The following NECTIN4 variants were observed in gnomAD, a reference collection of about 807,000 sequenced individuals.
The protein encoded by NECTIN4 is nectin-4.
NECTIN4 carries 19 observed loss-of-function variants against 51.7 expected under a neutral mutation model. That is an observed-to-expected ratio of 0.37 (90% confidence interval 0.26 to 0.54). The LOEUF (loss-of-function observed/expected upper bound fraction) is 0.54. Ranked by LOEUF, NECTIN4 falls within the 20% of genes least tolerant of loss-of-function variation. The pLI, the probability that NECTIN4 is intolerant of heterozygous loss-of-function variation, is 0.86. For missense variants in NECTIN4, 619 were observed against 662.4 expected (o/e 0.93, Z 0.72); for synonymous variants, 283 against 286.9 (o/e 0.99, Z 0.14).
Position 161,074,672 on chromosome 1 carries a change from G to A in NECTIN4, c.939C>T (p.Tyr313=), listed in dbSNP as rs921330375. 4.3e-6 allele frequency: 7 copies of A among 1,614,216 alleles called. No homozygotes were observed. The highest frequency in any genetic ancestry group is 5.1e-6 in the Non-Finnish European group (6 of 1,180,010). Residue 313 remains tyrosine (Y), a synonymous_variant, in exon 5 of 9, where the codon TAC becomes TAT. Coordinates refer to ENST00000368012, the MANE Select transcript of NECTIN4 (RefSeq NM_030916.3). ...AGAACTCATTGCTGACATGGCAGAC[G>A]TAGATGCCGCTGTGCTCAGTGGTCA... The part of the protein sequence containing the change: ...PPLTTEHSGI[Y]VCHVSNEFSS...
At chr1:161,081,808 A>T (rs546443610) in intron 1 of NECTIN4, among the ~76,000 whole-genome samples, 5 of 52,508 alleles carry the variant, frequency 9.5e-5, no homozygotes, top group Non-Finnish European at 1.9e-4. Flanking sequence ...CCCTCCTCCC[A>T]CCCCCACCCC....
intron 1 of NECTIN4, among the ~76,000 whole-genome samples, chr1:161,086,274 G>A (rs1020185009): frequency 1.3e-5 from 2 of 152,096 alleles, no homozygotes; most frequent in African/African-American, 4.8e-5. Flanking sequence ...GGCTCTCCTT[G>A]GCCCGGCCTC....
rs1198225366 is a variant in NECTIN4, at chr1:161,076,400, T to C, written c.806A>G (p.Lys269Arg). The C allele has an allele frequency of 1.2e-6, 2 of 1,614,080 alleles. No individual in the cohort carries two copies. The highest frequency in any genetic ancestry group is 2.7e-5 in the African/African-American group (2 of 74,940). Reference sequence around the variant, plus strand: ...AGGGGGCTGCCCTTCACTCAGGCACTTGAGCATAGCTCCTTCTCTGCCAAT... The same window carrying C: ...AGGGGGCTGCCCTTCACTCAGGCACCTGAGCATAGCTCCTTCTCTGCCAAT... ...WHIGREGAMLKCLSEGQPPPS... is the reference protein window; with the variant it reads ...WHIGREGAMLRCLSEGQPPPS... Residue 269 changes from lysine to arginine, a missense_variant, in exon 4 of 9, where the codon AAG becomes AGG. Lys to Arg is a conservative substitution (Grantham distance 26, BLOSUM62 2). Coordinates refer to ENST00000368012, the MANE Select transcript of NECTIN4 (RefSeq NM_030916.3).
At chr1:161,074,530 A>G (rs1337800016) in intron 5 of NECTIN4, 81 bp downstream of exon 5, 5 of 1,588,522 alleles carry the variant, frequency 3.1e-6, no homozygotes, top group Non-Finnish European at 4.3e-6. Flanking sequence ...TTCCCAATTC[A>G]CTGTCTCTGT....
chr1:161,080,199 C>G (rs1470774272), intron 1 of NECTIN4, among the ~76,000 whole-genome samples: 2 of 152,128 alleles, frequency 1.3e-5, no homozygotes, highest in African/African-American at 4.8e-5. Context: ...GCCACACAGA[C>G]GATTTATGGA....
chr1:161,075,998 C>A (rs550802987), intron 4 of NECTIN4, among the ~76,000 whole-genome samples: 205 of 152,248 alleles, frequency 1.3e-3, no homozygotes, highest in African/African-American at 4.4e-3. Context: ...ACTGCTTGAA[C>A]CCAGGAGGCG....
At position 161,074,987 on chromosome 1, in the gene NECTIN4, G is replaced by A. The variant is rs376055158; in HGVS notation, c.852-228C>T. The stretch of plus-strand genomic sequence containing the variant: ...ACACACACCCGGGGAAGATCCACAC[G>A]TGTGCCATCCCACATGCTTCCACAG... On this transcript the variant is annotated intron_variant, in intron 4 of 8. Coordinates refer to ENST00000368012, the MANE Select transcript of NECTIN4 (RefSeq NM_030916.3). Among the ~76,000 whole-genome samples the A allele has an allele frequency of 1.9e-4, 29 of 152,332 alleles. No homozygotes were observed. The South Asian group carries it at 5.6e-3, about 29-fold the overall frequency.
At position 161,073,257 on chromosome 1, in the gene NECTIN4, T is replaced by C. The variant is rs770288079; in HGVS notation, c.1276A>G (p.Ser426Gly). ...GAGCAGCTACTGTTGTCCTTGAGAC[T>C]ATCAGGGTGGCCCTCGGCTCTCAGC... ...VGLRAEGHPD[S>G]LKDNSSCSVM... The change falls in exon 8 of 9, where the codon AGT becomes GGT. Residue 426 changes from serine (S) to glycine (G), a missense_variant. Physicochemically the swap from Ser to Gly is moderately conservative, Grantham distance 56. Around this residue, in one of 3 missense-constraint regions of NECTIN4, gnomAD observed 364 missense variants for 415.7 expected, o/e 0.88. Coordinates refer to ENST00000368012, the MANE Select transcript of NECTIN4 (RefSeq NM_030916.3). 6.2e-7 allele frequency: 1 copy of C among 1,614,060 alleles called. No individual in the cohort carries two copies. Among genetic ancestry groups the C allele is most frequent in the South Asian group, 1.1e-5 (1 of 91,078 alleles).
rs1385760812 is a variant in NECTIN4 at position 161,077,576 on chromosome 1, C to T, written c.607G>A (p.Ala203Thr). 6.2e-7 allele frequency: 1 copy of T among 1,614,006 alleles called. No homozygotes were observed. The change falls in exon 3 of 9, where the codon GCC (alanine) becomes ACC (threonine). Residue 203 changes from alanine to threonine, a missense_variant. Around this residue, in one of 3 missense-constraint regions of NECTIN4, gnomAD observed 364 missense variants for 415.7 expected, o/e 0.88. Coordinates refer to ENST00000368012, the MANE Select transcript of NECTIN4 (RefSeq NM_030916.3). Reference protein sequence around the residue: ...SRSFKHSRSAAVTSEFHLVPS... With the variant: ...SRSFKHSRSATVTSEFHLVPS... ...ACCAAGTGGAACTCTGAGGTGACGG[C>T]AGCAGAGCGGGAGTGCTTGAAGGAA...
In NECTIN4 at chr1:161,073,281, G is replaced by C. The variant is rs752448692; in HGVS notation, c.1252C>G (p.Leu418Val). The change falls in exon 8 of 9, where the codon CTG becomes GTG. Residue 418 changes from leucine to valine, a missense_variant. By Grantham distance (32) the Leu-to-Val change is conservative (BLOSUM62 1). This residue lies in a region of NECTIN4 where 364 missense variants were observed against 415.7 expected (regional missense o/e 0.88). Transcript: ENST00000368012. ...CTATCAGGGTGGCCCTCGGCTCTCAGCCCTACACTCTCCTCCGGCTGCAGG... is the reference window on the plus strand; with the variant it reads ...CTATCAGGGTGGCCCTCGGCTCTCACCCCTACACTCTCCTCCGGCTGCAGG... ...PRSQPEESVG[L>V]RAEGHPDSLK... 4 of 1,614,082 alleles carry C rather than the reference G, an allele frequency of 2.5e-6. No homozygotes were observed. The South Asian group carries it at 4.4e-5, about 18-fold the overall frequency.
chr1:161,075,545 C>T (rs906990446), intron 4 of NECTIN4, among the ~76,000 whole-genome samples: 2 of 152,094 alleles, frequency 1.3e-5, no homozygotes, highest in Admixed American at 6.5e-5. Flanking sequence ...CCGAGGCTGG[C>T]GGATCACCCG....
intron 1 of NECTIN4, chr1:161,084,838 G>T (rs548299561): frequency 6.6e-6 from 1 of 151,952 alleles, no homozygotes; most frequent in African/African-American, 2.4e-5. Context: ...TGTGGGTTTG[G>T]GGGGGTGAGG....
At chr1:161,072,976 C>T (rs778750891) in intron 8 of NECTIN4, 91 bp from the exon 9 acceptor site, 25 of 1,251,748 alleles carry the variant, frequency 2.0e-5, no homozygotes, top group Admixed American at 3.9e-5. Flanking sequence ...GATCAGAGGC[C>T]AGGCGTAAGC....
chr1:161,079,446 C>G (rs1423777993), intron 2 of NECTIN4, 144 bp downstream of exon 2: 3 of 1,112,058 alleles, frequency 2.7e-6, no homozygotes, highest in Non-Finnish European at 3.8e-6. Context: ...GCGAGGATAG[C>G]TAGCTGGATG....
intron 1 of NECTIN4, 143 bp from the exon 2 acceptor site, chr1:161,080,092 T>A: frequency 9.8e-7 from 1 of 1,015,400 alleles, no homozygotes; most frequent in Non-Finnish European, 1.4e-6. Context: ...ATTACCTTAT[T>A]AAATCTACAA....
chr1:161,082,201 C>T (rs1653708812), intron 1 of NECTIN4, among the ~76,000 whole-genome samples: 1 of 151,918 alleles, frequency 6.6e-6, no homozygotes, highest in African/African-American at 2.4e-5. Flanking sequence ...TGGTGGCGGG[C>T]GCCTGTAGTC....
chr1:161,083,778 T>A (rs974951530), intron 1 of NECTIN4, among the ~76,000 whole-genome samples: 4 of 152,234 alleles, frequency 2.6e-5, no homozygotes, highest in African/African-American at 9.6e-5. Flanking sequence ...CGGGCCTCTT[T>A]GGAGCCCAGC....
intron 1 of NECTIN4, among the ~76,000 whole-genome samples, chr1:161,088,535 C>A (rs896888980): frequency 6.6e-6 from 1 of 152,104 alleles, no homozygotes; most frequent in Non-Finnish European, 1.5e-5. Flanking sequence ...ATGGGGACCA[C>A]ACCCTATCTA....
intron 1 of NECTIN4, among the ~76,000 whole-genome samples, chr1:161,082,471 G>T (rs935411589): frequency 6.6e-6 from 1 of 152,024 alleles, no homozygotes; most frequent in Non-Finnish European, 1.5e-5. Flanking sequence ...ACTGGACAGA[G>T]GAAAAAAATA....
Sources: gnomAD v4.1 joint callset for allele counts (sites outside exome capture counted in the v4.1 genomes callset) on GRCh38, gnomAD v4.1.1 for gene constraint, gnomAD v4.1.1 regional missense constraint, MANE v1.5 for transcripts, NCBI Gene and HGNC (gene_info 2026-07-23, HGNC 2026-07-21) for gene names.